The following SH3RF3 variants were observed in gnomAD, a reference collection of about 807,000 sequenced individuals.
The protein encoded by SH3RF3 is E3 ubiquitin-protein ligase SH3RF3.
SH3RF3 carries 29 observed loss-of-function variants against 66.3 expected under a neutral mutation model. The observed-to-expected ratio is 0.44, with a 90% CI of 0.33 to 0.60. The LOEUF is 0.60. Ranked by LOEUF, SH3RF3 falls within the 20% of genes least tolerant of loss-of-function variation. The pLI is 0.04. For synonymous variants in SH3RF3, 583 were observed against 532.0 expected, an observed-to-expected ratio of 1.10 and a Z score of -1.32; for missense variants, 1,194 against 1,190.9, an observed-to-expected ratio of 1.00 and a Z score of -0.04.
intron 1 of SH3RF3, among the ~76,000 whole-genome samples, chr2:109,287,992 G>C (rs551490000): frequency 6.6e-6 from 1 of 152,138 alleles, no homozygotes; most frequent in African/African-American, 2.4e-5. Flanking sequence ...GGCGAAGTGA[G>C]CCCTGGCATG....
intron 1 of SH3RF3, among the ~76,000 whole-genome samples, chr2:109,275,107 T>C (rs2105328354): frequency 6.6e-6 from 1 of 152,292 alleles, no homozygotes; most frequent in South Asian, 2.1e-4. Context: ...GAAAATGTGT[T>C]CCACGCTTGT....
intron 7 of SH3RF3, among the ~76,000 whole-genome samples, chr2:109,444,363 G>A (rs1191941218): frequency 6.6e-6 from 1 of 152,238 alleles, no homozygotes; most frequent in East Asian, 1.9e-4. Context: ...ACACACAATA[G>A]CCAAGTGCTG....
At chr2:109,422,271 T>A (rs1017997021) in intron 5 of SH3RF3, among the ~76,000 whole-genome samples, 23 of 152,188 alleles carry the variant, frequency 1.5e-4, no homozygotes, top group Admixed American at 1.5e-3. Context: ...AGGGCCCAGA[T>A]GGGGCTGATG....
At chr2:109,422,178 G>A (rs763349630) in intron 5 of SH3RF3, among the ~76,000 whole-genome samples, 6 of 152,162 alleles carry the variant, frequency 3.9e-5, no homozygotes, top group Non-Finnish European at 5.9e-5. Context: ...ATGTGCTGTC[G>A]TTGCAAAAAC....
Position 109,432,753 on chromosome 2 carries a change from A to G in SH3RF3, c.1574+82A>G, listed in dbSNP as rs577295596. The stretch of plus-strand genomic sequence containing the variant: ...ACCGCTGTTGTTACTGCTGGAGGCT[A>G]CTCTGTCAGCCGGGCCCAGAAGGCA... On this transcript the variant is annotated intron_variant, in intron 6 of 9. Transcript: ENST00000309415. 4.0e-6 allele frequency: 6 copies of G among 1,494,796 alleles called. No individual in the cohort carries two copies. The African/African-American group carries it at 7.0e-5, about 17-fold the overall frequency. The allele number at this position is 1,494,796 out of a possible 1,614,324, so 92.6% of individuals were successfully genotyped here.
At chr2:109,397,995 G>A (rs1029941246) in intron 3 of SH3RF3, among the ~76,000 whole-genome samples, 3 of 152,212 alleles carry the variant, frequency 2.0e-5, no homozygotes, top group African/African-American at 7.2e-5. Context: ...CACCTCCTGG[G>A]GTATGCTCAG....
intron 1 of SH3RF3, among the ~76,000 whole-genome samples, chr2:109,271,908 G>A (rs762510094): frequency 2.0e-5 from 3 of 152,198 alleles, no homozygotes; most frequent in Admixed American, 6.5e-5. Context: ...TAACCGCTAC[G>A]CACACACACT....
intron 2 of SH3RF3, among the ~76,000 whole-genome samples, chr2:109,367,815 A>G (rs1049073745): frequency 5.9e-5 from 9 of 152,208 alleles, no homozygotes; most frequent in African/African-American, 2.2e-4. Context: ...TAGAGTTCCT[A>G]GGAGTGGCTA....
At chr2:109,170,244 T>TTTCTCTTCTCTTCTCTTCTCTTCTC (rs1206279912) in intron 1 of SH3RF3, among the ~76,000 whole-genome samples, 3 of 32,966 alleles carry the variant, frequency 9.1e-5, no homozygotes, top group East Asian at 8.9e-4. Context: ...CTTCTTTTCT[T>TTTCTCTTCTCTTCTCTTCTCTTCTC]TTCTCTTCTC....
intron 1 of SH3RF3, among the ~76,000 whole-genome samples, chr2:109,158,942 C>A (rs1206108117): frequency 6.6e-6 from 1 of 152,098 alleles, no homozygotes; most frequent in African/African-American, 2.4e-5. Context: ...ATGGTGAAAC[C>A]CTGTTTCTAC....
chr2:109,453,412 C>T (rs1207281233), intron 8 of SH3RF3, among the ~76,000 whole-genome samples: 2 of 152,222 alleles, frequency 1.3e-5, no homozygotes, highest in African/African-American at 4.8e-5. Context: ...AACCATGGAA[C>T]ACTGCCTATT....
At chr2:109,337,848 C>T (rs1207061974) in intron 1 of SH3RF3, among the ~76,000 whole-genome samples, 1 of 151,996 alleles carries the variant, frequency 6.6e-6, no homozygotes. Context: ...CCACCTCAGC[C>T]TCCCGAGTAG....
intron 1 of SH3RF3, among the ~76,000 whole-genome samples, chr2:109,294,000 C>T (rs963237691): frequency 6.6e-6 from 1 of 152,112 alleles, no homozygotes; most frequent in Non-Finnish European, 1.5e-5. Flanking sequence ...AGTGCTTGGC[C>T]GAGCAGCTGG....
intron 1 of SH3RF3, among the ~76,000 whole-genome samples, chr2:109,165,643 A>G (rs1677602159): frequency 6.6e-6 from 1 of 152,174 alleles, no homozygotes; most frequent in African/African-American, 2.4e-5. Context: ...TGCACTGACC[A>G]CAGGAGTGAA....
At chr2:109,453,075 C>T (rs898895739) in intron 8 of SH3RF3, among the ~76,000 whole-genome samples, 2 of 152,162 alleles carry the variant, frequency 1.3e-5, no homozygotes, top group East Asian at 3.9e-4. Flanking sequence ...GAGCTCTGTT[C>T]CCTGCGTGGC....
chr2:109,253,976 G>C (rs1680157413), intron 1 of SH3RF3, among the ~76,000 whole-genome samples: 1 of 151,854 alleles, frequency 6.6e-6, no homozygotes, highest in African/African-American at 2.4e-5. Context: ...AATGGGGCCT[G>C]GCCCCTGAGA....
intron 1 of SH3RF3, among the ~76,000 whole-genome samples, chr2:109,195,145 A>T (rs189792327): frequency 1.7e-3 from 254 of 152,332 alleles, no homozygotes; most frequent in African/African-American, 5.7e-3. Context: ...ACTAATAGGA[A>T]AAAAAGGACA....
At chr2:109,446,872 T>C (rs376051802) in intron 7 of SH3RF3, among the ~76,000 whole-genome samples, 1 of 152,008 alleles carries the variant, frequency 6.6e-6, no homozygotes, top group East Asian at 1.9e-4. Flanking sequence ...CAGACCCTGG[T>C]GCAGTCCCAA....
chr2:109,380,578 T>G (rs762871145), intron 3 of SH3RF3, among the ~76,000 whole-genome samples: 4 of 152,234 alleles, frequency 2.6e-5, no homozygotes, highest in Non-Finnish European at 5.9e-5. Flanking sequence ...AAGCCCCTTG[T>G]CCTCGCTGCC....
Sources: allele counts gnomAD v4.1 joint callset (sites outside exome capture counted in the v4.1 genomes callset), GRCh38; gene constraint gnomAD v4.1.1; transcripts MANE v1.5; gene names NCBI Gene and HGNC (gene_info 2026-07-23, HGNC 2026-07-21).